Variants in MDGA2 observed in about 807,000 individuals in gnomAD.
The protein encoded by MDGA2 is MAM domain containing glycosylphosphatidylinositol anchor 2.
MDGA2 carries 40 observed loss-of-function variants against 117.8 expected under a neutral mutation model. The observed-to-expected ratio is 0.34, with a 90% CI of 0.26 to 0.44. The LOEUF (loss-of-function observed/expected upper bound fraction) is 0.44, where lower values mean the gene tolerates loss of function less well. Ranked by LOEUF, MDGA2 falls within the 20% of genes least tolerant of loss-of-function variation. MDGA2 has a pLI of 1.00. For missense variants in MDGA2, 1,123 were observed against 1,250.6 expected (o/e 0.90, Z 1.54); for synonymous variants, 452 against 439.0 (o/e 1.03, Z -0.37).
chr14:47,326,464 C>A (rs1325935559), intron 1 of MDGA2, among the ~76,000 whole-genome samples: 2 of 151,984 alleles, frequency 1.3e-5, no homozygotes, highest in African/African-American at 4.8e-5. Flanking sequence ...TACTATAGCA[C>A]CCCTCAAATA....
At chr14:47,339,433 T>G (rs2139939939) in intron 1 of MDGA2, among the ~76,000 whole-genome samples, 1 of 152,154 alleles carries the variant, frequency 6.6e-6, no homozygotes, top group African/African-American at 2.4e-5. Flanking sequence ...CCCAGTGTGG[T>G]GGTATTGTGG....
intron 4 of MDGA2, among the ~76,000 whole-genome samples, chr14:47,143,829 A>T (rs931749665): frequency 3.3e-5 from 5 of 152,192 alleles, no homozygotes; most frequent in Admixed American, 6.5e-5. Flanking sequence ...AAACTTATAG[A>T]TTAAAAAAAA....
intron 10 of MDGA2, among the ~76,000 whole-genome samples, chr14:46,890,575 G>A (rs749691581): frequency 2.6e-5 from 4 of 152,074 alleles, no homozygotes. Flanking sequence ...TGTGTCCACA[G>A]CATCAGTGGG....
intron 8 of MDGA2, among the ~76,000 whole-genome samples, chr14:47,026,680 G>T (rs1437631073): frequency 2.0e-5 from 3 of 152,016 alleles, no homozygotes; most frequent in African/African-American, 7.2e-5. Flanking sequence ...TGGGAAGAAA[G>T]AATTTAGGTT....
intron 1 of MDGA2, among the ~76,000 whole-genome samples, chr14:47,419,245 GGACATAATCA>G (rs1892530721): frequency 6.6e-6 from 1 of 151,926 alleles, no homozygotes; most frequent in South Asian, 2.1e-4. Context: ...AGAGGCACAG[GGACATAATCA>G]GACTGTCCTC....
intron 3 of MDGA2, among the ~76,000 whole-genome samples, chr14:47,160,120 T>A (rs779420491): frequency 1.1e-4 from 17 of 152,192 alleles, no homozygotes; most frequent in Non-Finnish European, 2.5e-4. Flanking sequence ...TACTCATTCT[T>A]CCACAACGAG....
At chr14:47,060,723 C>A (rs550441578) in intron 7 of MDGA2, among the ~76,000 whole-genome samples, 2 of 152,154 alleles carry the variant, frequency 1.3e-5, no homozygotes, top group Non-Finnish European at 2.9e-5. Context: ...TCATTATGAA[C>A]AGATTTTACC....
intron 6 of MDGA2, among the ~76,000 whole-genome samples, chr14:47,092,049 C>A (rs1879688371): frequency 6.6e-6 from 1 of 152,120 alleles, no homozygotes; most frequent in African/African-American, 2.4e-5. Context: ...TAACTTAGCC[C>A]AGGCTACTTT....
intron 1 of MDGA2, among the ~76,000 whole-genome samples, chr14:47,631,330 A>G (rs955227254): frequency 2.6e-5 from 4 of 152,174 alleles, no homozygotes; most frequent in African/African-American, 9.6e-5. Flanking sequence ...TCTGGCCTAC[A>G]CTGGAGAGTA....
rs79724029 is a variant in MDGA2 at position 46,847,678 on chromosome 14, T to G, written c.2884-1807A>C. On this transcript the variant is annotated intron_variant, in intron 15 of 16. Coordinates refer to ENST00000399232, the MANE Select transcript of MDGA2 (RefSeq NM_001113498.3). ...TGAATATGAAGAAAGGGAAGTCATT[T>G]TAAGGTGCAGAATATTCCACATTAT... is the stretch of plus-strand genomic sequence containing the variant. Among the ~76,000 whole-genome samples, 1,166 of 152,130 alleles carry G rather than the reference T, an allele frequency of 7.7e-3. 5 individuals carry two copies. Among genetic ancestry groups the G allele is most frequent in the Non-Finnish European group, 0.011 (720 of 67,904 alleles).
At chr14:47,568,120 G>T (rs1239477418) in intron 1 of MDGA2, among the ~76,000 whole-genome samples, 1 of 152,058 alleles carries the variant, frequency 6.6e-6, no homozygotes. Flanking sequence ...ACACAGCGAG[G>T]TTATTAAAGT....
At chr14:47,606,190 G>A (rs1360319395) in intron 1 of MDGA2, among the ~76,000 whole-genome samples, 1 of 151,988 alleles carries the variant, frequency 6.6e-6, no homozygotes, top group Non-Finnish European at 1.5e-5. Context: ...TCACTATTAT[G>A]TCCTTAGTAT....
chr14:47,021,567 T>A (rs1276394177), intron 8 of MDGA2, among the ~76,000 whole-genome samples: 1 of 152,180 alleles, frequency 6.6e-6, no homozygotes, highest in Non-Finnish European at 1.5e-5. Flanking sequence ...TCTGAATTAT[T>A]TTAACACAGA....
intron 14 of MDGA2, among the ~76,000 whole-genome samples, chr14:46,862,271 T>C (rs1881540465): frequency 6.6e-6 from 1 of 151,828 alleles, no homozygotes; most frequent in Non-Finnish European, 1.5e-5. Flanking sequence ...TAGAGGACTT[T>C]AGTCAGCTCT....
chr14:47,561,767 A>G (rs143747025), intron 1 of MDGA2, among the ~76,000 whole-genome samples: 1 of 152,250 alleles, frequency 6.6e-6, no homozygotes, highest in East Asian at 1.9e-4. Context: ...TACTATGTTG[A>G]ACAGGAGTGG....
intron 1 of MDGA2, among the ~76,000 whole-genome samples, chr14:47,537,065 T>C (rs1039727575): frequency 6.6e-6 from 1 of 151,942 alleles, no homozygotes; most frequent in Non-Finnish European, 1.5e-5. Flanking sequence ...GGTTAATCCA[T>C]GAAGAAAAAA....
At chr14:47,644,028 G>C (rs983130246) in intron 1 of MDGA2, among the ~76,000 whole-genome samples, 3 of 152,014 alleles carry the variant, frequency 2.0e-5, no homozygotes, top group Admixed American at 2.0e-4. Flanking sequence ...CAGCCAATTT[G>C]AAATTAGTTT....
At position 46,980,601 on chromosome 14, in the gene MDGA2, G is replaced by T. The variant is rs571313380; in HGVS notation, c.1820-22958C>A. ...GACATGCTACAGATAAATCTTTCAT[G>T]AAATGAAATGATGAGTTAATCAATG... On this transcript the variant is annotated intron_variant, in intron 8 of 16. Transcript: ENST00000399232. Among the ~76,000 whole-genome samples, 102 of 152,224 alleles carry T rather than the reference G, an allele frequency of 6.7e-4. 1 individual carries two copies. Among genetic ancestry groups the T allele is most frequent in the African/African-American group, 2.4e-3 (101 of 41,554 alleles).
chr14:47,182,340 C>A (rs967652593), intron 3 of MDGA2, among the ~76,000 whole-genome samples: 5 of 152,120 alleles, frequency 3.3e-5, no homozygotes, highest in African/African-American at 9.6e-5. Context: ...GCCCTAACCC[C>A]CAATGTGGCT....
Sources: allele counts gnomAD v4.1 joint callset (sites outside exome capture counted in the v4.1 genomes callset), GRCh38; gene constraint gnomAD v4.1.1; transcripts MANE v1.5; gene names NCBI Gene and HGNC (gene_info 2026-07-23, HGNC 2026-07-21).